The following CAMTA1 variants were observed in gnomAD, a reference collection of about 807,000 sequenced individuals.
CAMTA1 encodes the protein calmodulin binding transcription activator 1.
In CAMTA1, 27 loss-of-function variants were observed where a neutral mutation model predicts 170.9. The ratio of observed to expected loss-of-function variants is 0.16; its 90% confidence interval spans 0.12 to 0.22. CAMTA1 has a LOEUF of 0.22. CAMTA1 is among the 10% of genes least tolerant of loss of function. The pLI is 1.00. For synonymous variants in CAMTA1, 833 were observed against 891.5 expected (o/e 0.93, Z 1.17); for missense variants, 1,619 against 2,217.2 (o/e 0.73, Z 5.42).
chr1:7,759,882 A>G (rs1486932128), intron 22 of CAMTA1, among the ~76,000 whole-genome samples: 9 of 152,212 alleles, frequency 5.9e-5, no homozygotes, highest in Non-Finnish European at 8.8e-5. Context: ...CTTCTCTAAG[A>G]CATTTATTTT....
chr1:7,353,572 A>C (rs578033111), intron 5 of CAMTA1, among the ~76,000 whole-genome samples: 3 of 151,516 alleles, frequency 2.0e-5, no homozygotes, highest in Admixed American at 6.6e-5. Context: ...TTACAGGCAC[A>C]CACCACCACA....
intron 3 of CAMTA1, among the ~76,000 whole-genome samples, chr1:7,085,827 C>A (rs1640664207): frequency 6.6e-6 from 1 of 152,222 alleles, no homozygotes; most frequent in South Asian, 2.1e-4. Flanking sequence ...AACCCATCAG[C>A]TTGGGGACTG....
Position 6,887,913 on chromosome 1 carries a change from C to CA in CAMTA1, c.234+62703_234+62704insA. 1 of 1,353,666 alleles carries CA rather than the reference C, an allele frequency of 7.4e-7. No homozygotes were observed. Among genetic ancestry groups the CA allele is most frequent in the Non-Finnish European group, 9.5e-7 (1 of 1,048,162 alleles). The allele number at this position is 1,353,666 out of a possible 1,614,324, so 83.9% of individuals were successfully genotyped here. ...ACTCTTGCCTCATCCGGAGTTATTA[C>CA]GAAGGAGCTCCGCAGCCTGACTGAG... On this transcript the variant is annotated intron_variant, in intron 3 of 22. Transcript: ENST00000303635. The surrounding 1 kb of genome is among the most constrained non-coding windows in gnomAD (Gnocchi z 4.1).
At chr1:6,902,019 C>T (rs1020542679) in intron 3 of CAMTA1, among the ~76,000 whole-genome samples, 7 of 140,510 alleles carry the variant, frequency 5.0e-5, no homozygotes, top group African/African-American at 1.9e-4. Context: ...CACTTCAGCC[C>T]GAATGACAAG....
At chr1:7,383,699 T>C (rs2087606696) in intron 5 of CAMTA1, among the ~76,000 whole-genome samples, 2 of 152,088 alleles carry the variant, frequency 1.3e-5, no homozygotes, top group African/African-American at 2.4e-5. Flanking sequence ...CTGTCGATGC[T>C]GTCGAACAAG....
intron 11 of CAMTA1, among the ~76,000 whole-genome samples, chr1:7,684,318 G>GC (rs1212230604): frequency 3.9e-5 from 6 of 152,222 alleles, no homozygotes; most frequent in Admixed American, 3.9e-4. Flanking sequence ...TCCAGAGTGT[G>GC]CATGACTATG....
At chr1:7,726,387 A>G (rs567843371) in intron 11 of CAMTA1, among the ~76,000 whole-genome samples, 1 of 152,174 alleles carries the variant, frequency 6.6e-6, no homozygotes, top group Non-Finnish European at 1.5e-5. Flanking sequence ...ATAGCCTCCT[A>G]TGTGGCCACA....
chr1:7,480,793 G>A (rs563143193), intron 6 of CAMTA1, among the ~76,000 whole-genome samples: 1 of 152,110 alleles, frequency 6.6e-6, no homozygotes, highest in Admixed American at 6.5e-5. Flanking sequence ...CAGCCCCACG[G>A]CCCCAGTGCC....
At chr1:7,737,073 G>T (rs2096778142) in intron 14 of CAMTA1, 64 bp downstream of exon 14, 7 of 1,409,634 alleles carry the variant, frequency 5.0e-6, no homozygotes, top group South Asian at 3.5e-5. Flanking sequence ...GATTTGCCTG[G>T]TTCCCACCGT....
intron 10 of CAMTA1, among the ~76,000 whole-genome samples, chr1:7,672,358 G>C (rs949986928): frequency 1.0e-3 from 152 of 152,230 alleles, no homozygotes; most frequent in African/African-American, 3.3e-3. Flanking sequence ...CATGCCCCCA[G>C]GCTGGGCCAG....
chr1:7,649,713 G>A (rs200716620), intron 7 of CAMTA1, among the ~76,000 whole-genome samples: 9 of 152,184 alleles, frequency 5.9e-5, no homozygotes, highest in Admixed American at 2.6e-4. Context: ...CTCTCCTGGC[G>A]TCTTGCTGCC....
intron 5 of CAMTA1, among the ~76,000 whole-genome samples, chr1:7,338,142 C>T (rs1265883574): frequency 3.3e-5 from 5 of 152,012 alleles, no homozygotes; most frequent in Non-Finnish European, 7.4e-5. Context: ...CCACTTCCTC[C>T]TCCAGATTTT....
rs1641654497 is a variant in CAMTA1 at position 7,092,912 on chromosome 1, T to A, written c.302+1541T>A. Among the ~76,000 whole-genome samples, 1 of 152,120 alleles carries A rather than the reference T, an allele frequency of 6.6e-6. No individual in the cohort carries two copies. Among genetic ancestry groups the A allele is most frequent in the African/African-American group, 2.4e-5 (1 of 41,412 alleles). On this transcript the variant is annotated intron_variant, in intron 4 of 22. Transcript: ENST00000303635. The surrounding 1 kb of genome is among the most constrained non-coding windows in gnomAD (Gnocchi z 5.0). ...ATGCAGGTGCAGTTGAAACTCCTGC[T>A]CAGATGTGGCATCATATGTCATGCC... is the stretch of plus-strand genomic sequence containing the variant.
chr1:7,486,957 C>T (rs1029615084), intron 6 of CAMTA1, among the ~76,000 whole-genome samples: 1 of 152,214 alleles, frequency 6.6e-6, no homozygotes, highest in Non-Finnish European at 1.5e-5. Flanking sequence ...CTCAGCCTCT[C>T]TGGGCCTCAG....
At chr1:7,280,121 A>C (rs1175914445) in intron 5 of CAMTA1, among the ~76,000 whole-genome samples, 2 of 152,118 alleles carry the variant, frequency 1.3e-5, no homozygotes, top group Admixed American at 6.5e-5. Flanking sequence ...AAAACCAAAA[A>C]CCAAAACCCA....
intron 3 of CAMTA1, among the ~76,000 whole-genome samples, chr1:6,923,762 G>T (rs1185811934): frequency 1.3e-5 from 2 of 152,152 alleles, no homozygotes; most frequent in East Asian, 3.9e-4. Flanking sequence ...CCTGTCCTAT[G>T]TCAGGCACGC....
chr1:7,544,757 C>T (rs556544655), intron 6 of CAMTA1, among the ~76,000 whole-genome samples: 5 of 152,258 alleles, frequency 3.3e-5, no homozygotes, highest in African/African-American at 9.6e-5. Flanking sequence ...ACGCAGCTTC[C>T]ACTCATGGTG....
chr1:6,881,384 C>T (rs552455694), intron 3 of CAMTA1, among the ~76,000 whole-genome samples: 45 of 152,278 alleles, frequency 3.0e-4, no homozygotes, highest in African/African-American at 1.1e-3. Context: ...TTGAAGGAAG[C>T]AACACCGTGA....
At chr1:6,920,190 G>A (rs570964320) in intron 3 of CAMTA1, among the ~76,000 whole-genome samples, 1 of 152,316 alleles carries the variant, frequency 6.6e-6, no homozygotes, top group South Asian at 2.1e-4. Flanking sequence ...CATGTATTGG[G>A]TAAACACAGC....
Sources: allele counts gnomAD v4.1 joint callset (sites outside exome capture counted in the v4.1 genomes callset), GRCh38; gene constraint gnomAD v4.1.1; non-coding constraint Gnocchi (gnomAD v3.1); transcripts MANE v1.5; gene names NCBI Gene and HGNC (gene_info 2026-07-23, HGNC 2026-07-21).